HEXIM2: variants seen among roughly 807,000 people sequenced by gnomAD.
HEXIM2 encodes the protein protein HEXIM2.
For synonymous variants in HEXIM2, 159 were observed against 162.7 expected (o/e 0.98, Z 0.17); for missense variants, 413 against 390.8 (o/e 1.06, Z -0.48).
upstream of HEXIM2, chr17:45,161,132 G>A: frequency 2.4e-6 from 1 of 412,822 alleles, no homozygotes; most frequent in Non-Finnish European, 4.7e-6. Flanking sequence ...CAGGCCGAAT[G>A]GGGGTGGGGA....
intron 3 of HEXIM2, chr17:45,168,779 G>T: frequency 1.9e-6 from 1 of 537,552 alleles, no homozygotes; most frequent in Non-Finnish European, 3.3e-6. Flanking sequence ...TGAAATTACA[G>T]AGTGAAACAC....
intron 3 of HEXIM2, chr17:45,168,665 G>A (rs769960317): frequency 1.4e-4 from 27 of 197,874 alleles, no homozygotes; most frequent in Non-Finnish European, 2.1e-4. Flanking sequence ...TCAAGCAAAT[G>A]CATCAAGATC....
Position 45,164,120 on chromosome 17 carries a change from A to C in HEXIM2, c.66+1261A>C, listed in dbSNP as rs1305676746. ...CAGTGAGCTGAGATTGTGCCATTGC[A>C]CTCCAGCTTGGGCAACAAGAACAAA... On this transcript the variant is annotated intron_variant, in intron 3 of 3. Coordinates refer to ENST00000589230, the MANE Select transcript of HEXIM2 (RefSeq NM_001303441.2). Among the ~76,000 whole-genome samples, 3 of 150,518 alleles carry C rather than the reference A, an allele frequency of 2.0e-5. No homozygotes were observed. The Admixed American group carries it at 2.0e-4, about 10-fold the overall frequency.
Position 45,162,620 on chromosome 17 carries a change from G to A in HEXIM2, c.-60G>A. On this transcript the variant is annotated 5_prime_UTR_variant, in exon 2 of 4. Coordinates refer to ENST00000589230, the MANE Select transcript of HEXIM2 (RefSeq NM_001303441.2). The stretch of plus-strand genomic sequence containing the variant: ...GCGGTGGAGGCAGCCTTCGGGGCCT[G>A]CATTTGAGAATAAGGGTATGAAGGG... 6.9e-7 allele frequency: 1 copy of A among 1,453,364 alleles called. No homozygotes were observed. Among genetic ancestry groups the A allele is most frequent in the Admixed American group, 2.5e-5 (1 of 40,498 alleles). 90.0% of individuals were successfully genotyped at this position (1,453,364 alleles called of 1,614,324 possible). A position where few individuals can be genotyped will look rare whatever the true frequency, so the allele number is the denominator to read the frequency against.
chr17:45,160,556 A>G (rs2144030651), upstream of HEXIM2: 1 of 208,604 alleles, frequency 4.8e-6, no homozygotes, highest in Middle Eastern at 2.2e-3. Context: ...GGATTTCAAA[A>G]TGCAAGCAGA....
Position 45,169,644 on chromosome 17 carries a change from G to A in HEXIM2, c.696G>A (p.Arg232=). The change falls in exon 4 of 4, where the codon AGG becomes AGA. Residue 232 remains arginine (R), a synonymous_variant. Transcript: ENST00000589230. ...KRLSQAEEET[R]RLQQLQACTG... is the part of the protein sequence containing the mutation. Reference sequence around the variant, plus strand: ...TGTCGCAGGCGGAGGAGGAGACTAGGAGGCTGCAGCAGCTGCAGGCGTGCA... The same window carrying A: ...TGTCGCAGGCGGAGGAGGAGACTAGAAGGCTGCAGCAGCTGCAGGCGTGCA... 2.6e-6 allele frequency: 4 copies of A among 1,533,680 alleles called. No individual in the cohort carries two copies. The highest frequency in any genetic ancestry group is 3.5e-6 in the Non-Finnish European group (4 of 1,137,894).
In HEXIM2 at chr17:45,169,730, C is replaced by T; in HGVS notation, c.782C>T (p.Thr261Ile). The T allele has an allele frequency of 2.0e-6, 3 of 1,499,232 alleles. No individual in the cohort carries two copies. The highest frequency in any genetic ancestry group is 1.8e-6 in the Non-Finnish European group (2 of 1,122,404). 92.9% of individuals were successfully genotyped at this position (1,499,232 alleles called of 1,614,324 possible). ...GCTGCCGAGGTCCAGAGGCTCCGGA[C>T]CGAAAACCAGCGGCTTCGTCAGGAG... ...ELAAEVQRLR[T>I]ENQRLRQENQ... is the part of the protein sequence containing the mutation. Residue 261 changes from threonine (T) to isoleucine (I), a missense_variant, in exon 4 of 4, where the codon ACC (threonine) becomes ATC (isoleucine). Transcript: ENST00000589230.
At position 45,161,907 on chromosome 17, in the gene HEXIM2, G is replaced by T. The variant is rs2042706960; in HGVS notation, c.-317G>T. ...CCCCCCCATCTTAGTGGCCTGAGCG[G>T]CTTGACCAGAGCTGCTGCAACTGCA... is the stretch of plus-strand genomic sequence containing the variant. On this transcript the variant is annotated 5_prime_UTR_variant, in exon 1 of 4. Coordinates refer to ENST00000589230, the MANE Select transcript of HEXIM2 (RefSeq NM_001303441.2). The T allele has an allele frequency of 8.1e-6, 8 of 985,552 alleles. No homozygotes were observed. Among genetic ancestry groups the T allele is most frequent in the Non-Finnish European group, 9.6e-6 (8 of 830,128 alleles). The allele number at this position is 985,552 out of a possible 1,614,324, so 61.1% of individuals were successfully genotyped here.
chr17:45,164,761 T>C (rs1430990622), intron 3 of HEXIM2, among the ~76,000 whole-genome samples: 1 of 152,200 alleles, frequency 6.6e-6, no homozygotes, highest in Non-Finnish European at 1.5e-5. Context: ...CCATGCTTGT[T>C]CGGCCCATGT....
chr17:45,163,696 A>G (rs2042765031), intron 3 of HEXIM2, among the ~76,000 whole-genome samples: 1 of 151,950 alleles, frequency 6.6e-6, no homozygotes, highest in Non-Finnish European at 1.5e-5. Flanking sequence ...TAAAAATACA[A>G]AAATTAGCTG....
chr17:45,160,271 G>C (rs978705770), upstream of HEXIM2, among the ~76,000 whole-genome samples: 4 of 152,260 alleles, frequency 2.6e-5, no homozygotes, highest in Admixed American at 1.3e-4. Flanking sequence ...ATATGAAGTA[G>C]ATAAAAACTG....
In HEXIM2 at chr17:45,162,864, G is replaced by A; in HGVS notation, c.66+5G>A. ...GTGGCCCTGGAGGAGGCCAAGGTAAGTCCCTGCCCTCCTGCCCACCCAAGC... is the reference window on the plus strand; with the variant it reads ...GTGGCCCTGGAGGAGGCCAAGGTAAATCCCTGCCCTCCTGCCCACCCAAGC... On this transcript the variant is annotated splice_donor_5th_base_variant and intron_variant, in intron 3 of 3. Coordinates refer to ENST00000589230, the MANE Select transcript of HEXIM2 (RefSeq NM_001303441.2). 1 of 1,599,054 alleles carries A rather than the reference G, an allele frequency of 6.3e-7. No homozygotes were observed.
intron 3 of HEXIM2, among the ~76,000 whole-genome samples, chr17:45,166,397 G>T (rs1235912284): frequency 6.6e-6 from 1 of 152,178 alleles, no homozygotes; most frequent in African/African-American, 2.4e-5. Context: ...AAAGTGCTAG[G>T]ATTACCAGCG....
rs1567925741 is a variant in HEXIM2, at chr17:45,162,525, G to A, written c.-155G>A. 2 of 1,303,070 alleles carry A rather than the reference G, an allele frequency of 1.5e-6. No individual in the cohort carries two copies. Among genetic ancestry groups the A allele is most frequent in the South Asian group, 1.6e-5 (1 of 64,332 alleles). 80.7% of individuals were successfully genotyped at this position (1,303,070 alleles called of 1,614,324 possible). A position where few individuals can be genotyped will look rare whatever the true frequency, so the allele number is the denominator to read the frequency against. On this transcript the variant is annotated 5_prime_UTR_variant, in exon 2 of 4. Transcript: ENST00000589230. Reference sequence around the variant, plus strand: ...GGACATGAGTCCTGGTGAGGGACCCGAGGAGCAGGACAGAGAAGACGGCCC... The same window carrying A: ...GGACATGAGTCCTGGTGAGGGACCCAAGGAGCAGGACAGAGAAGACGGCCC...
upstream of HEXIM2, chr17:45,161,081 C>G (rs191742038): frequency 4.9e-4 from 298 of 602,452 alleles, 2 homozygotes; most frequent in African/African-American, 5.0e-3. Context: ...CCTCTCCAGT[C>G]GAAGTGGGAG....
At chr17:45,164,272 A>G (rs1001571153) in intron 3 of HEXIM2, among the ~76,000 whole-genome samples, 1 of 152,186 alleles carries the variant, frequency 6.6e-6, no homozygotes, top group Admixed American at 6.5e-5. Context: ...CCTGACCAAC[A>G]TGGAGAAACC....
upstream of HEXIM2, chr17:45,161,228 T>C (rs1241089871): frequency 5.7e-6 from 2 of 352,496 alleles, no homozygotes; most frequent in African/African-American, 4.3e-5. Context: ...TCTCCCCTTC[T>C]GGGGTCTCGG....
At chr17:45,161,398 C>T (rs2042684069), upstream of HEXIM2, 1 of 188,250 alleles carries the variant, frequency 5.3e-6, no homozygotes, top group Non-Finnish European at 1.2e-5. Context: ...GCCGCCACTT[C>T]AGGTAGCCCA....
At chr17:45,165,764 T>A (rs2042826468) in intron 3 of HEXIM2, among the ~76,000 whole-genome samples, 1 of 150,732 alleles carries the variant, frequency 6.6e-6, no homozygotes, top group Non-Finnish European at 1.5e-5. Flanking sequence ...TATTTTATTT[T>A]ATTTTTTAAT....
Sources: gnomAD v4.1 joint callset for allele counts (sites outside exome capture counted in the v4.1 genomes callset) on GRCh38, gnomAD v4.1.1 for gene constraint, MANE v1.5 for transcripts, NCBI Gene and HGNC (gene_info 2026-07-23, HGNC 2026-07-21) for gene names.